MGAT4C: variants seen among roughly 807,000 people sequenced by gnomAD.
The protein encoded by MGAT4C is MGAT4 family member C.
A neutral mutation model predicts 40.1 loss-of-function variants in MGAT4C; 19 were observed. That is an observed-to-expected ratio of 0.47 (90% CI 0.33 to 0.70). The LOEUF (loss-of-function observed/expected upper bound fraction) is 0.70. Among genes scored for constraint, MGAT4C ranks in the 30% least tolerant of loss-of-function variants. The pLI, the probability that MGAT4C is intolerant of heterozygous loss-of-function variation, is 0.02. For missense variants in MGAT4C, 491 were observed against 563.2 expected (o/e 0.87, Z 1.30); for synonymous variants, 181 against 187.1 (o/e 0.97, Z 0.27).
intron 2 of MGAT4C, among the ~76,000 whole-genome samples, chr12:86,017,319 C>T (rs552444574): frequency 6.6e-6 from 1 of 152,170 alleles, no homozygotes; most frequent in African/African-American, 2.4e-5. Flanking sequence ...CTCTTGAAAA[C>T]TTGCTTAAGA....
At chr12:86,695,858 T>C (rs1950247943) in intron 2 of MGAT4C, among the ~76,000 whole-genome samples, 1 of 152,064 alleles carries the variant, frequency 6.6e-6, no homozygotes, top group Non-Finnish European at 1.5e-5. Flanking sequence ...AATCTAGTAT[T>C]TGATAGCACA....
chr12:86,125,975 CA>C lies in MGAT4C; in HGVS notation c.-56-76253del, dbSNP rs374533059. Among the ~76,000 whole-genome samples the C allele has an allele frequency of 0.022, 3,371 of 151,096 alleles. 263 individuals are homozygous for C. The East Asian group carries it at 0.28, about 13-fold the overall frequency. ...AATAAAAGAAAAAAAATGAGAAAAT[CA>C]AGTTAAAAATCAGAAAATATTATGT... On this transcript the variant is annotated intron_variant, in intron 1 of 4. Coordinates refer to ENST00000611864, the MANE Select transcript of MGAT4C (RefSeq NM_001351288.2).
chr12:86,551,115 G>A (rs1959337705), intron 2 of MGAT4C, among the ~76,000 whole-genome samples: 1 of 152,192 alleles, frequency 6.6e-6, no homozygotes, highest in African/African-American at 2.4e-5. Flanking sequence ...CTGTATCCAG[G>A]CTAGAAAAAT....
chr12:85,995,028 G>A (rs1049011689), intron 2 of MGAT4C, among the ~76,000 whole-genome samples: 1 of 152,166 alleles, frequency 6.6e-6, no homozygotes, highest in African/African-American at 2.4e-5. Context: ...ACTAGAAATT[G>A]GTAACTGAAA....
chr12:86,420,817 G>A (rs2136255858), intron 3 of MGAT4C, among the ~76,000 whole-genome samples: 1 of 148,510 alleles, frequency 6.7e-6, no homozygotes, highest in East Asian at 2.0e-4. Flanking sequence ...ATATATGTGT[G>A]TGTGTGTATG....
At chr12:86,297,657 AAGAC>A (rs1418350249) in intron 4 of MGAT4C, among the ~76,000 whole-genome samples, 1 of 152,168 alleles carries the variant, frequency 6.6e-6, no homozygotes, top group African/African-American at 2.4e-5. Flanking sequence ...CTGATCCTAA[AAGAC>A]AGAGTTGGTG....
At position 86,163,207 on chromosome 12, in the gene MGAT4C, CT is replaced by C. The variant is rs548062346; in HGVS notation, c.-57+93031del. On this transcript the variant is annotated intron_variant, in intron 1 of 4. Transcript: ENST00000611864. ...AACAATTAGAAATCATCCTCCCCCC[CT>C]TTTTTTTCTTTTTGAGACAGGGTCT... 2.9e-4 allele frequency among the ~76,000 whole-genome samples: 44 copies of C among 151,912 alleles called. 1 individual carries two copies. In the South Asian group the frequency reaches 8.5e-3, roughly 30 times the overall value.
chr12:86,183,645 C>G (rs190089401), intron 1 of MGAT4C, among the ~76,000 whole-genome samples: 12 of 152,230 alleles, frequency 7.9e-5, no homozygotes, highest in African/African-American at 2.9e-4. Context: ...GCTGGGAATT[C>G]CAAAATCAAG....
chr12:86,632,518 A>G (rs540829791), intron 2 of MGAT4C, among the ~76,000 whole-genome samples: 1 of 152,152 alleles, frequency 6.6e-6, no homozygotes, highest in Non-Finnish European at 1.5e-5. Context: ...AATGTCCATC[A>G]ATGATAGACT....
chr12:86,446,676 T>C (rs1477610937), intron 2 of MGAT4C, among the ~76,000 whole-genome samples: 2 of 115,556 alleles, frequency 1.7e-5, no homozygotes, highest in East Asian at 5.6e-4. Context: ...TATATATATA[T>C]ATATATATAT....
chr12:86,535,474 T>C (rs1959052285), intron 2 of MGAT4C, among the ~76,000 whole-genome samples: 1 of 152,102 alleles, frequency 6.6e-6, no homozygotes, highest in African/African-American at 2.4e-5. Context: ...TCTGTAAGTA[T>C]AGATAAATCT....
chr12:86,030,537 G>A (rs768989413), intron 2 of MGAT4C, among the ~76,000 whole-genome samples: 4 of 151,706 alleles, frequency 2.6e-5, no homozygotes, highest in Non-Finnish European at 4.4e-5. Flanking sequence ...TCAAGCACTT[G>A]TTGAGAAATC....
chr12:85,980,317 C>A lies in MGAT4C; in HGVS notation c.409G>T (p.Val137Leu). Reference sequence around the variant, plus strand: ...TTAAAGTCTGCTAGGTGAACCACCACTGAAATTTCCTTCAGCTCTTCATAG... The same window carrying A: ...TTAAAGTCTGCTAGGTGAACCACCAATGAAATTTCCTTCAGCTCTTCATAG... ...SSYEELKEIS[V>L]VVHLADFNSS... The change falls in exon 5 of 5, where the codon GTG becomes TTG. Residue 137 changes from valine (V) to leucine (L), a missense_variant. Coordinates refer to ENST00000611864, the MANE Select transcript of MGAT4C (RefSeq NM_001351288.2). 6.2e-7 allele frequency: 1 copy of A among 1,613,936 alleles called. No homozygotes were observed. The highest frequency in any genetic ancestry group is 8.5e-7 in the Non-Finnish European group (1 of 1,179,894).
intron 2 of MGAT4C, among the ~76,000 whole-genome samples, chr12:86,628,045 C>T (rs187620741): frequency 1.3e-4 from 20 of 152,150 alleles, no homozygotes; most frequent in African/African-American, 3.4e-4. Context: ...GTAGAGAAGA[C>T]GTTAAATGAC....
At chr12:86,806,661 T>A (rs1021856408) in intron 1 of MGAT4C, among the ~76,000 whole-genome samples, 2 of 152,006 alleles carry the variant, frequency 1.3e-5, no homozygotes, top group African/African-American at 4.8e-5. Flanking sequence ...ACCACTAGCA[T>A]GCACTAACCT....
At chr12:86,759,023 A>G (rs565939541) in intron 1 of MGAT4C, among the ~76,000 whole-genome samples, 49 of 152,002 alleles carry the variant, frequency 3.2e-4, no homozygotes, top group Admixed American at 2.3e-3. Context: ...CTTGTTGACA[A>G]TCTCTCATCA....
At chr12:86,664,382 T>C (rs1964050467) in intron 2 of MGAT4C, among the ~76,000 whole-genome samples, 1 of 152,148 alleles carries the variant, frequency 6.6e-6, no homozygotes, top group African/African-American at 2.4e-5. Context: ...TGACTTAATT[T>C]GAAATTTCAA....
chr12:86,291,506 C>A (rs753638670), intron 4 of MGAT4C, among the ~76,000 whole-genome samples: 2 of 152,068 alleles, frequency 1.3e-5, no homozygotes, highest in Non-Finnish European at 2.9e-5. Context: ...GGAAGTGGGT[C>A]CTCACAATAT....
At position 86,129,544 on chromosome 12, in the gene MGAT4C, C is replaced by CTTTTT. The variant is rs751908017; in HGVS notation, c.-56-79826_-56-79822dup. Among the ~76,000 whole-genome samples, 95 of 15,070 alleles carry CTTTTT rather than the reference C, an allele frequency of 6.3e-3. 22 individuals are homozygous for CTTTTT. The highest frequency in any genetic ancestry group is 0.014 in the African/African-American group (23 of 1,612). 9.9% of individuals were successfully genotyped at this position (15,070 alleles called of 152,430 possible). ...ACAACTGAGTTTTTGCTTACACAATCTTTTTTTTTTTTTTTTTTTTTTTTT... is the reference window on the plus strand; with the variant it reads ...ACAACTGAGTTTTTGCTTACACAATCTTTTTTTTTTTTTTTTTTTTTTTTTTTTTT... On this transcript the variant is annotated intron_variant, in intron 1 of 4. Coordinates refer to ENST00000611864, the MANE Select transcript of MGAT4C (RefSeq NM_001351288.2).
Sources: gnomAD v4.1 joint callset for allele counts (sites outside exome capture counted in the v4.1 genomes callset) on GRCh38, gnomAD v4.1.1 for gene constraint, MANE v1.5 for transcripts, NCBI Gene and HGNC (gene_info 2026-07-23, HGNC 2026-07-21) for gene names.